Variants in NUP153 observed in about 807,000 individuals in gnomAD.
The protein encoded by NUP153 is nucleoporin 153.
A neutral mutation model predicts 134.6 loss-of-function variants in NUP153; 27 were observed. The observed-to-expected ratio is 0.20, with a 90% CI of 0.15 to 0.28. The LOEUF (loss-of-function observed/expected upper bound fraction) is 0.28, where lower values mean the gene tolerates loss of function less well. Ranked by LOEUF, NUP153 falls within the 10% of genes least tolerant of loss-of-function variation. NUP153 has a pLI of 1.00. For missense variants in NUP153, 1,821 were observed against 1,731.3 expected, an observed-to-expected ratio of 1.05 and a Z score of -0.92; for synonymous variants, 640 against 623.5, an observed-to-expected ratio of 1.03 and a Z score of -0.40.
chr6:17,633,430 T>C (rs1460911340), intron 16 of NUP153, among the ~76,000 whole-genome samples: 1 of 152,250 alleles, frequency 6.6e-6, no homozygotes, highest in Non-Finnish European at 1.5e-5. Context: ...TGTTACATGC[T>C]AGCCATTTAA....
intron 11 of NUP153, among the ~76,000 whole-genome samples, chr6:17,658,054 C>T (rs1766944620): frequency 1.3e-5 from 2 of 152,224 alleles, no homozygotes; most frequent in South Asian, 2.1e-4. Context: ...ATCAACAACA[C>T]ATTTGGCCCA....
intron 14 of NUP153, among the ~76,000 whole-genome samples, chr6:17,643,883 G>T (rs1433574909): frequency 6.6e-6 from 1 of 152,032 alleles, no homozygotes; most frequent in Non-Finnish European, 1.5e-5. Context: ...AGCAAATAGT[G>T]GGAAACATTT....
At chr6:17,627,559 A>C (rs1765007683) in intron 18 of NUP153, among the ~76,000 whole-genome samples, 1 of 152,124 alleles carries the variant, frequency 6.6e-6, no homozygotes, top group South Asian at 2.1e-4. Flanking sequence ...GCACTGGGCC[A>C]ATCTCTGCTC....
chr6:17,674,150 G>A (rs1486185255), intron 5 of NUP153, among the ~76,000 whole-genome samples: 1 of 152,164 alleles, frequency 6.6e-6, no homozygotes, highest in Non-Finnish European at 1.5e-5. Flanking sequence ...CAGATCCGTG[G>A]TTGCCAGAGG....
intron 11 of NUP153, among the ~76,000 whole-genome samples, chr6:17,659,153 C>T (rs1389363199): frequency 1.3e-5 from 2 of 152,248 alleles, no homozygotes; most frequent in Non-Finnish European, 2.9e-5. Flanking sequence ...CCTGACCTCT[C>T]GCCAACTGAC....
chr6:17,695,915 A>AG (rs1239148535), intron 1 of NUP153, among the ~76,000 whole-genome samples: 1 of 152,194 alleles, frequency 6.6e-6, no homozygotes, highest in Non-Finnish European at 1.5e-5. Context: ...AGGCTGAGGC[A>AG]GGAGAATGGC....
rs551853223 is a variant in NUP153, at chr6:17,616,054, G to GCAC, written c.*40_*42dup. On this transcript the variant is annotated 3_prime_UTR_variant, in exon 22 of 22. Transcript: ENST00000262077. ...GTACAATCCAGTATCTGAAAGCAGG[G>GCAC]CACCAGCTGTTGTTAAAATTGAGTA... is the stretch of plus-strand genomic sequence containing the variant. The GCAC allele has an allele frequency of 2.3e-4, 306 of 1,333,944 alleles. No individual in the cohort carries two copies. In the African/African-American group the frequency reaches 3.5e-3, roughly 15 times the overall value. 82.6% of individuals were successfully genotyped at this position (1,333,944 alleles called of 1,614,324 possible). A position where few individuals can be genotyped will look rare whatever the true frequency, so the allele number is the denominator to read the frequency against.
chr6:17,643,109 C>G (rs751885266), intron 14 of NUP153, among the ~76,000 whole-genome samples: 1 of 152,168 alleles, frequency 6.6e-6, no homozygotes, highest in Admixed American at 6.6e-5. Context: ...CTGCACAACG[C>G]TGTCAAGGTA....
At chr6:17,686,008 C>T (rs1198810329) in intron 2 of NUP153, among the ~76,000 whole-genome samples, 3 of 151,978 alleles carry the variant, frequency 2.0e-5, no homozygotes, top group Non-Finnish European at 4.4e-5. Flanking sequence ...ATTTGCTGGG[C>T]GTGGTAGCAC....
intron 11 of NUP153, among the ~76,000 whole-genome samples, chr6:17,652,198 C>T (rs1420082392): frequency 6.6e-6 from 1 of 152,150 alleles, no homozygotes; most frequent in African/African-American, 2.4e-5. Context: ...AGATCTAATA[C>T]TATCAGCTTA....
At chr6:17,699,155 A>T (rs1769873524) in intron 1 of NUP153, among the ~76,000 whole-genome samples, 1 of 151,746 alleles carries the variant, frequency 6.6e-6, no homozygotes, top group South Asian at 2.1e-4. Flanking sequence ...AAAATATATT[A>T]CAACCATGAA....
intron 20 of NUP153, among the ~76,000 whole-genome samples, chr6:17,623,129 CAAAAAAA>C (rs71002235): frequency 4.1e-5 from 3 of 72,998 alleles, no homozygotes; most frequent in African/African-American, 1.6e-4. Flanking sequence ...GATTCTGTCT[CAAAAAAA>C]AAAAAAAAAG....
chr6:17,621,615 A>C (rs371189089), intron 20 of NUP153, among the ~76,000 whole-genome samples: 3 of 152,262 alleles, frequency 2.0e-5, no homozygotes, highest in East Asian at 3.8e-4. Context: ...ACACATATTC[A>C]ATGTTCTCAC....
intron 2 of NUP153, among the ~76,000 whole-genome samples, chr6:17,681,390 T>C (rs1768571775): frequency 2.5e-5 from 1 of 39,518 alleles, no homozygotes. Flanking sequence ...ATCGAGACCA[T>C]CCTGGCTAAC....
intron 20 of NUP153, among the ~76,000 whole-genome samples, chr6:17,624,266 T>C (rs1764803447): frequency 6.6e-6 from 1 of 152,114 alleles, no homozygotes; most frequent in Non-Finnish European, 1.5e-5. Flanking sequence ...ACTTCAAAGC[T>C]AGCCTTGCAA....
rs377329600 is a variant in NUP153 at position 17,675,643 on chromosome 6, C to T, written c.462G>A (p.Ser154=). The T allele has an allele frequency of 5.3e-5, 86 of 1,613,996 alleles. No individual in the cohort carries two copies. The highest frequency in any genetic ancestry group is 3.3e-4 in the Middle Eastern group (2 of 6,062). ...ATCCCGAACTGCCAATTGGGAATGC[C>T]GAGGATGTAGATGGCTGACAGTGTA... ...PALHCQPSTS[S]AFPIGSSGFS... is the part of the protein sequence containing the mutation. The change falls in exon 3 of 22, where the codon TCG becomes TCA. Residue 154 remains serine (S), a synonymous_variant. Transcript: ENST00000262077. The surrounding 1 kb of genome is among the most constrained non-coding windows in gnomAD (Gnocchi z 4.4).
At position 17,629,127 on chromosome 6, in the gene NUP153, A is replaced by C; in HGVS notation, c.3072T>G (p.Phe1024Leu). The C allele has an allele frequency of 6.2e-7, 1 of 1,613,730 alleles. No homozygotes were observed. Among genetic ancestry groups the C allele is most frequent in the African/African-American group, 1.3e-5 (1 of 75,020 alleles). ...GGGTGGAGTTAATAACACCTGTACC[A>C]AAGCTAAAACCTGCAGAGGAAGATT... is the stretch of plus-strand genomic sequence containing the variant. ...LPKSSSAGFS[F>L]GTGVINSTPA... The change falls in exon 18 of 22, where the codon TTT becomes TTG. Residue 1024 changes from phenylalanine (F) to leucine (L), a missense_variant. Transcript: ENST00000262077.
At chr6:17,643,547 T>C (rs1369126098) in intron 14 of NUP153, among the ~76,000 whole-genome samples, 1 of 152,220 alleles carries the variant, frequency 6.6e-6, no homozygotes, top group Non-Finnish European at 1.5e-5. Flanking sequence ...AATCACGTTC[T>C]ATCTTCCTTT....
rs114254315 is a variant in NUP153, at chr6:17,663,095, G to A, written c.1216-1025C>T. Among the ~76,000 whole-genome samples, 85 of 152,166 alleles carry A rather than the reference G, an allele frequency of 5.6e-4. 1 individual carries two copies. Among genetic ancestry groups the A allele is most frequent in the Middle Eastern group, 3.4e-3 (1 of 294 alleles). On this transcript the variant is annotated intron_variant, in intron 9 of 21. Coordinates refer to ENST00000262077, the MANE Select transcript of NUP153 (RefSeq NM_005124.4). ...TGTTAAGTTTCTGGGTTTGACCACT[G>A]CTATGCATTATGTAAGGGAACTCCT...
Sources: gnomAD v4.1 joint callset for allele counts (sites outside exome capture counted in the v4.1 genomes callset) on GRCh38, gnomAD v4.1.1 for gene constraint, Gnocchi (gnomAD v3.1) non-coding constraint, MANE v1.5 for transcripts, NCBI Gene and HGNC (gene_info 2026-07-23, HGNC 2026-07-21) for gene names.